SLC30A9: variants seen among roughly 807,000 people sequenced by gnomAD.
SLC30A9 encodes proton-coupled zinc antiporter SLC30A9, mitochondrial.
A neutral mutation model predicts 87.5 loss-of-function variants in SLC30A9; 58 were observed. That is an observed-to-expected ratio of 0.66 (90% CI 0.54 to 0.82). SLC30A9 has a LOEUF of 0.82. SLC30A9 is among the 40% of genes least tolerant of loss of function. SLC30A9 has a pLI of 0.00. For missense variants in SLC30A9, 557 were observed against 679.1 expected (o/e 0.82, Z 2.00); for synonymous variants, 234 against 233.0 (o/e 1.00, Z -0.04).
At chr4:42,022,731 A>G in intron 4 of SLC30A9, 107 bp from the exon 5 acceptor site, 2 of 526,790 alleles carry the variant, frequency 3.8e-6, no homozygotes, top group South Asian at 8.5e-5. Context: ...ATATTTCTCT[A>G]AGATGGGGAT....
intron 6 of SLC30A9, among the ~76,000 whole-genome samples, chr4:42,027,970 G>T (rs1285725601): frequency 6.6e-6 from 1 of 152,184 alleles, no homozygotes; most frequent in Non-Finnish European, 1.5e-5. Flanking sequence ...TAAAAAGCAA[G>T]GCAAATTATT....
chr4:42,034,684 G>A (rs1716605562), intron 6 of SLC30A9, among the ~76,000 whole-genome samples: 1 of 152,096 alleles, frequency 6.6e-6, no homozygotes, highest in Non-Finnish European at 1.5e-5. Context: ...TCCATCCATG[G>A]ACATTTGGGT....
At chr4:42,073,731 C>T (rs890562700) in intron 15 of SLC30A9, among the ~76,000 whole-genome samples, 3 of 152,148 alleles carry the variant, frequency 2.0e-5, no homozygotes, top group African/African-American at 2.4e-5. Flanking sequence ...TTAATCAAAG[C>T]GTGCAAATTG....
chr4:42,079,291 A>C (rs1718671157), intron 17 of SLC30A9, among the ~76,000 whole-genome samples: 1 of 151,804 alleles, frequency 6.6e-6, no homozygotes, highest in African/African-American at 2.4e-5. Flanking sequence ...ATTTAATATA[A>C]ATAACTTTTT....
At chr4:42,054,576 C>T (rs1159926329) in intron 9 of SLC30A9, among the ~76,000 whole-genome samples, 21 of 151,592 alleles carry the variant, frequency 1.4e-4, no homozygotes, top group Admixed American at 1.3e-3. Flanking sequence ...CTGCAAGCTC[C>T]GCCTCCCAGG....
chr4:42,019,880 G>T (rs1487726951), intron 3 of SLC30A9, among the ~76,000 whole-genome samples: 2 of 151,906 alleles, frequency 1.3e-5, no homozygotes, highest in African/African-American at 4.8e-5. Flanking sequence ...TGCAACCTCT[G>T]CCTCCCAAGT....
chr4:42,023,109 G>T (rs533455769), intron 5 of SLC30A9, among the ~76,000 whole-genome samples, 179 bp downstream of exon 5: 1 of 152,298 alleles, frequency 6.6e-6, no homozygotes, highest in South Asian at 2.1e-4. Context: ...ATGTCATAAT[G>T]TGTAAGAAAA....
In SLC30A9 at chr4:42,089,073, A is replaced by G. The variant is rs960904162; in HGVS notation, c.*2947A>G. The G allele has an allele frequency of 6.6e-6, 1 of 152,214 alleles. No individual in the cohort carries two copies. The highest frequency in any genetic ancestry group is 2.4e-5 in the African/African-American group (1 of 41,464). 9.4% of individuals were successfully genotyped at this position (152,214 alleles called of 1,614,324 possible). On this transcript the variant is annotated 3_prime_UTR_variant, in exon 18 of 18. Coordinates refer to ENST00000264451, the MANE Select transcript of SLC30A9 (RefSeq NM_006345.4). ...TAGCATTTGAGTATTAAAGCATATA[A>G]ATCATTTTTAAGGAAAATATTCTCT...
chr4:41,990,615 A>G lies in SLC30A9; in HGVS notation c.-37A>G. 7.5e-7 allele frequency: 1 copy of G among 1,331,730 alleles called. No individual in the cohort carries two copies. Among genetic ancestry groups the G allele is most frequent in the African/African-American group, 1.4e-5 (1 of 70,246 alleles). 82.5% of individuals were successfully genotyped at this position (1,331,730 alleles called of 1,614,324 possible). A position where few individuals can be genotyped will look rare whatever the true frequency, so the allele number is the denominator to read the frequency against. Reference sequence around the variant, plus strand: ...GGTACCGGTGGCGGCGCGGAGGCAGAAGGCGGTGTCCGAGTAGGGGCCTCT... The same window carrying G: ...GGTACCGGTGGCGGCGCGGAGGCAGGAGGCGGTGTCCGAGTAGGGGCCTCT... On this transcript the variant is annotated 5_prime_UTR_variant, in exon 1 of 18. Coordinates refer to ENST00000264451, the MANE Select transcript of SLC30A9 (RefSeq NM_006345.4).
intron 2 of SLC30A9, among the ~76,000 whole-genome samples, chr4:42,008,652 G>T (rs1378425243): frequency 6.6e-6 from 1 of 152,228 alleles, no homozygotes; most frequent in Non-Finnish European, 1.5e-5. Flanking sequence ...CTGCAAAGCA[G>T]ACTTGAGAAG....
intron 6 of SLC30A9, among the ~76,000 whole-genome samples, chr4:42,033,865 G>A (rs541217647): frequency 4.7e-4 from 71 of 152,246 alleles, no homozygotes; most frequent in South Asian, 6.2e-4. Context: ...ATGAGCCACC[G>A]TGCCCGGCTG....
chr4:42,077,358 T>C (rs1718596824), intron 16 of SLC30A9, among the ~76,000 whole-genome samples: 1 of 152,214 alleles, frequency 6.6e-6, no homozygotes. Flanking sequence ...ATGTTTTAAG[T>C]TCATTTGCAT....
chr4:42,073,452 G>C (rs939482144), intron 15 of SLC30A9, among the ~76,000 whole-genome samples: 1 of 152,154 alleles, frequency 6.6e-6, no homozygotes, highest in African/African-American at 2.4e-5. Context: ...TTTTTAAACA[G>C]TATATTAGTT....
chr4:42,068,636 ATT>A (rs1718185326), intron 14 of SLC30A9, among the ~76,000 whole-genome samples: 1 of 152,164 alleles, frequency 6.6e-6, no homozygotes, highest in African/African-American at 2.4e-5. Flanking sequence ...CTAAGAACCT[ATT>A]GACAACATGA....
In SLC30A9 at chr4:42,004,947, C is replaced by T. The variant is rs556103761; in HGVS notation, c.274+3167C>T. 3.9e-5 allele frequency among the ~76,000 whole-genome samples: 6 copies of T among 152,258 alleles called. No individual in the cohort carries two copies. The South Asian group carries it at 1.2e-3, about 32-fold the overall frequency. On this transcript the variant is annotated intron_variant, in intron 2 of 17. Coordinates refer to ENST00000264451, the MANE Select transcript of SLC30A9 (RefSeq NM_006345.4). ...GGGATTACAGGGGTGAGCCACTATA[C>T]CGGCCATATTTTTCATTTCTAGAAA... is the stretch of plus-strand genomic sequence containing the variant.
chr4:42,052,270 A>G (rs955758274), intron 9 of SLC30A9, among the ~76,000 whole-genome samples: 6 of 152,172 alleles, frequency 3.9e-5, no homozygotes, highest in South Asian at 2.1e-4. Context: ...AAGAAGACCT[A>G]AAGAAATGGA....
chr4:42,053,154 A>T (rs143899798), intron 9 of SLC30A9, among the ~76,000 whole-genome samples: 1 of 152,356 alleles, frequency 6.6e-6, no homozygotes, highest in East Asian at 1.9e-4. Flanking sequence ...GTATATTAAT[A>T]CCACAAGACA....
chr4:42,077,429 G>C (rs950177880), intron 16 of SLC30A9, among the ~76,000 whole-genome samples: 12 of 152,056 alleles, frequency 7.9e-5, no homozygotes, highest in African/African-American at 2.2e-4. Flanking sequence ...TTTTGAGACA[G>C]AGTCTCGCTC....
intron 9 of SLC30A9, among the ~76,000 whole-genome samples, chr4:42,052,114 TCTA>T (rs1717405300): frequency 6.6e-6 from 1 of 152,024 alleles, no homozygotes; most frequent in African/African-American, 2.4e-5. Context: ...TAATTGCATT[TCTA>T]CTATCAGCAA....
Sources: allele counts gnomAD v4.1 joint callset (sites outside exome capture counted in the v4.1 genomes callset), GRCh38; gene constraint gnomAD v4.1.1; transcripts MANE v1.5; gene names NCBI Gene and HGNC (gene_info 2026-07-23, HGNC 2026-07-21).